Variants in GNG5 observed in about 807,000 individuals in gnomAD.
The protein encoded by GNG5 is G protein subunit gamma 5.
GNG5 carries 2 observed loss-of-function variants against 6.2 expected under a neutral mutation model. The ratio of observed to expected loss-of-function variants is 0.32; its 90% CI spans 0.13 to 1.01. The LOEUF (loss-of-function observed/expected upper bound fraction) is 1.01. GNG5 is among the 50% of genes least tolerant of loss of function. The probability of loss-of-function intolerance (pLI) is 0.48; values close to 1 mark genes in which losing one functional copy is unlikely to be tolerated. For missense variants in GNG5, 57 were observed against 80.2 expected (o/e 0.71, Z 1.10); for synonymous variants, 24 against 33.0 (o/e 0.73, Z 0.93).
intron 2 of GNG5, among the ~76,000 whole-genome samples, chr1:84,505,744 T>C (rs1433462838): frequency 6.6e-6 from 1 of 152,176 alleles, no homozygotes; most frequent in African/African-American, 2.4e-5. Context: ...AGGACCGGAA[T>C]GTCGGCCACG....
At chr1:84,500,472 T>A (rs1025841475) in intron 3 of GNG5, among the ~76,000 whole-genome samples, 3 of 152,204 alleles carry the variant, frequency 2.0e-5, no homozygotes, top group Non-Finnish European at 4.4e-5. Flanking sequence ...GCCCAGTATT[T>A]TATTCAAATG....
At chr1:84,503,716 A>T (rs1682101658) in intron 2 of GNG5, 1 of 152,252 alleles carries the variant, frequency 6.6e-6, no homozygotes, top group South Asian at 2.1e-4. Context: ...AAGCACCACT[A>T]TGTGCCGCAT....
chr1:84,505,130 C>G (rs541006588), intron 2 of GNG5, among the ~76,000 whole-genome samples: 41 of 152,290 alleles, frequency 2.7e-4, no homozygotes, highest in African/African-American at 9.6e-4. Context: ...GTAGCCTGAC[C>G]TATTGTACCA....
intron 3 of GNG5, among the ~76,000 whole-genome samples, chr1:84,500,703 C>T (rs967180992): frequency 6.6e-6 from 1 of 152,040 alleles, no homozygotes; most frequent in Non-Finnish European, 1.5e-5. Flanking sequence ...TTTTTTCCCC[C>T]TGGTATTTCA....
At chr1:84,499,330 GA>G (rs1682004916) in intron 3 of GNG5, among the ~76,000 whole-genome samples, 1 of 152,168 alleles carries the variant, frequency 6.6e-6, no homozygotes, top group South Asian at 2.1e-4. Flanking sequence ...AATAGTGACA[GA>G]AAAGACTAAG....
chr1:84,505,950 C>T, intron 2 of GNG5, 61 bp downstream of exon 2: 8 of 1,186,820 alleles, frequency 6.7e-6, no homozygotes, highest in Non-Finnish European at 7.9e-6. Context: ...GCCAGCTGGG[C>T]CGCCGGATCC....
rs1681985087 is a variant in GNG5, at chr1:84,498,464, TG to T, written c.*103del. 1 of 152,686 alleles carries T rather than the reference TG, an allele frequency of 6.5e-6. No homozygotes were observed. The highest frequency in any genetic ancestry group is 6.6e-5 in the Admixed American group (1 of 15,260). The allele number at this position is 152,686 out of a possible 1,614,324, so 9.5% of individuals were successfully genotyped here. A position where few individuals can be genotyped will look rare whatever the true frequency, so the allele number is the denominator to read the frequency against. On this transcript the variant is annotated 3_prime_UTR_variant, in exon 4 of 4. Coordinates refer to ENST00000370645, the MANE Select transcript of GNG5 (RefSeq NM_005274.3). ...GTAGAAGTTTGTATATTATGGCACA[TG>T]TGTTACAGGGATAAGCTTTTGTACA... is the stretch of plus-strand genomic sequence containing the variant.
chr1:84,502,161 G>A (rs1386638846), intron 2 of GNG5, among the ~76,000 whole-genome samples, 191 bp from the exon 3 acceptor site: 24 of 133,340 alleles, frequency 1.8e-4, no homozygotes, highest in African/African-American at 3.7e-4. Flanking sequence ...TTTTTGAGAC[G>A]GAGTCTCACT....
intron 2 of GNG5, among the ~76,000 whole-genome samples, chr1:84,504,478 C>G (rs1233037381): frequency 1.3e-5 from 2 of 152,168 alleles, no homozygotes. Flanking sequence ...AGTATTTTAG[C>G]CTGAGAACCT....
At chr1:84,505,987 C>T (rs1208625748) in intron 2 of GNG5, 24 bp downstream of exon 2, 3 of 1,465,456 alleles carry the variant, frequency 2.0e-6, no homozygotes, top group South Asian at 1.4e-5. Context: ...CTTCCTCCCG[C>T]CTCGGCCGCC....
At chr1:84,505,925 G>GTCCC in intron 2 of GNG5, 86 bp downstream of exon 2, 1 of 961,650 alleles carries the variant, frequency 1.0e-6, no homozygotes, top group South Asian at 2.5e-5. Context: ...GCCGGCGCGT[G>GTCCC]TCCCGCCCGC....
Position 84,498,452 on chromosome 1 carries a change from T to C in GNG5, c.*116A>G, listed in dbSNP as rs1004338319. ...GGACTGACGAAAGTAGAAGTTTGTA[T>C]ATTATGGCACATGTGTTACAGGGAT... On this transcript the variant is annotated 3_prime_UTR_variant, in exon 4 of 4. Transcript: ENST00000370645. 3.3e-5 allele frequency: 5 copies of C among 152,738 alleles called. No homozygotes were observed. Among genetic ancestry groups the C allele is most frequent in the African/African-American group, 1.2e-4 (5 of 41,416 alleles). The allele number at this position is 152,738 out of a possible 1,614,324, so 9.5% of individuals were successfully genotyped here. A position where few individuals can be genotyped will look rare whatever the true frequency, so the allele number is the denominator to read the frequency against.
At chr1:84,502,647 G>T (rs145805937) in intron 2 of GNG5, among the ~76,000 whole-genome samples, 1,999 of 152,188 alleles carry the variant, frequency 0.013, 38 homozygotes, top group African/African-American at 0.044. Flanking sequence ...AACATTAAGG[G>T]TTAAACAAAA....
intron 2 of GNG5, 102 bp from the exon 3 acceptor site, chr1:84,502,072 T>G (rs1381646702): frequency 1.3e-6 from 1 of 776,574 alleles, no homozygotes; most frequent in African/African-American, 1.7e-5. Flanking sequence ...AAACAGTACT[T>G]CTCTTGCTTC....
intron 2 of GNG5, among the ~76,000 whole-genome samples, chr1:84,502,529 G>T (rs1478034168): frequency 6.6e-6 from 1 of 152,150 alleles, no homozygotes; most frequent in African/African-American, 2.4e-5. Context: ...TCAGATGACT[G>T]AGTACAAACA....
chr1:84,504,968 T>G lies in GNG5; in HGVS notation c.81+1043A>C, dbSNP rs140873353. 2.0e-4 allele frequency among the ~76,000 whole-genome samples: 30 copies of G among 152,338 alleles called. 1 individual carries two copies. Among genetic ancestry groups the G allele is most frequent in the African/African-American group, 6.7e-4 (28 of 41,580 alleles). ...TCTGACACTTCTAGTTAAGAAAGCT[T>G]AGAGACCCTCTCAGTTCACAAAACA... is the stretch of plus-strand genomic sequence containing the variant. On this transcript the variant is annotated intron_variant, in intron 2 of 3. Transcript: ENST00000370645.
Position 84,506,298 on chromosome 1 carries a change from G to T in GNG5, c.-207C>A. The T allele has an allele frequency of 2.4e-6, 1 of 414,246 alleles. No individual in the cohort carries two copies. The highest frequency in any genetic ancestry group is 4.3e-6 in the Non-Finnish European group (1 of 231,932). 25.7% of individuals were successfully genotyped at this position (414,246 alleles called of 1,614,324 possible). On this transcript the variant is annotated 5_prime_UTR_variant, in exon 2 of 4. Transcript: ENST00000370645. ...CAGCTCCACACCCGGCCCCGAGCGC[G>T]AGCCTGGAGGAGGGGGAGGAGAAGG...
chr1:84,504,016 TAAC>T (rs1682108160), intron 2 of GNG5, among the ~76,000 whole-genome samples: 1 of 152,210 alleles, frequency 6.6e-6, no homozygotes, highest in Admixed American at 6.5e-5. Context: ...TAAGGCACTG[TAAC>T]AATCACCATC....
At chr1:84,500,751 G>A (rs184860055) in intron 3 of GNG5, among the ~76,000 whole-genome samples, 25 of 152,082 alleles carry the variant, frequency 1.6e-4, no homozygotes, top group Middle Eastern at 3.4e-3. Flanking sequence ...TGTATTTACT[G>A]GAAACATGTA....
Sources: allele counts gnomAD v4.1 joint callset (sites outside exome capture counted in the v4.1 genomes callset), GRCh38; gene constraint gnomAD v4.1.1; transcripts MANE v1.5; gene names NCBI Gene and HGNC (gene_info 2026-07-23, HGNC 2026-07-21).